Variants in SFPQ observed in about 807,000 individuals in gnomAD.
SFPQ encodes the protein splicing factor, proline- and glutamine-rich.
SFPQ carries 11 observed loss-of-function variants against 72.9 expected under a neutral mutation model. The observed-to-expected ratio is 0.15, with a 90% CI of 0.09 to 0.25. The LOEUF is 0.25. Among genes scored for constraint, SFPQ ranks in the 10% least tolerant of loss-of-function variants. SFPQ has a pLI of 1.00. For missense variants in SFPQ, 847 were observed against 993.3 expected (o/e 0.85, Z 1.98); for synonymous variants, 506 against 367.3 (o/e 1.38, Z -4.32).
chr1:35,176,747 G>A (rs895326671), intron 5 of SFPQ, among the ~76,000 whole-genome samples: 2 of 151,904 alleles, frequency 1.3e-5, no homozygotes, highest in Admixed American at 6.6e-5. Flanking sequence ...TGTGGCGGGC[G>A]CCTGCAGTCC....
In SFPQ at chr1:35,192,650, C is replaced by T. The variant is rs1409118381; in HGVS notation, c.400G>A (p.Ala134Thr). 28 of 1,381,362 alleles carry T rather than the reference C, an allele frequency of 2.0e-5. No homozygotes were observed. Among genetic ancestry groups the T allele is most frequent in the South Asian group, 1.5e-4 (9 of 60,628 alleles). The allele number at this position is 1,381,362 out of a possible 1,614,324, so 85.6% of individuals were successfully genotyped here. A position where few individuals can be genotyped will look rare whatever the true frequency, so the allele number is the denominator to read the frequency against. ...GGGGCCCCCGAGGTTGGTGGAGTGG[C>T]GGGCGGGGCCGAGCTGGAGGCTGGT... ...APPASSSAPP[A>T]TPPTSGAPPG... Residue 134 changes from alanine to threonine, a missense_variant, in exon 1 of 10, where the codon GCC becomes ACC. Ala to Thr is a moderately conservative substitution (Grantham distance 58). This residue lies in a region of SFPQ where 498 missense variants were observed against 405.1 expected (regional missense o/e 1.23). Coordinates refer to ENST00000357214, the MANE Select transcript of SFPQ (RefSeq NM_005066.3).
chr1:35,185,738 CTT>C (rs1239507760), intron 9 of SFPQ, among the ~76,000 whole-genome samples: 2 of 152,086 alleles, frequency 1.3e-5, no homozygotes, highest in African/African-American at 2.4e-5. Flanking sequence ...AACTTTTATC[CTT>C]TGTTTTTCAA....
Position 35,192,751 on chromosome 1 carries a change from GGCGGCTGCT to G in SFPQ, c.290_298del (p.Gln97_Pro99del). On this transcript the variant is annotated inframe_deletion, in exon 1 of 10. Transcript: ENST00000357214. ...CTTGGAAGAGTCCTGCGGCGGTGGC[GGCGGCTGCT>G]GCTGCTGATGCGGCTGTGGATGCGG... 1 of 1,494,120 alleles carries G rather than the reference GGCGGCTGCT, an allele frequency of 6.7e-7. No individual in the cohort carries two copies. The highest frequency in any genetic ancestry group is 1.3e-5 in the South Asian group (1 of 79,838). The allele number at this position is 1,494,120 out of a possible 1,614,324, so 92.6% of individuals were successfully genotyped here.
At chr1:35,186,354 T>C (rs1272342928) in intron 9 of SFPQ, among the ~76,000 whole-genome samples, 1 of 152,188 alleles carries the variant, frequency 6.6e-6, no homozygotes, top group Non-Finnish European at 1.5e-5. Flanking sequence ...CATGATAGCA[T>C]CAAGAAGGTT....
downstream of SFPQ, chr1:35,179,430 T>C: frequency 9.5e-7 from 1 of 1,056,328 alleles, no homozygotes; most frequent in African/African-American, 1.6e-5. Flanking sequence ...AGTACGAAAA[T>C]ACATTCTGGC....
intron 5 of SFPQ, 35 bp downstream of exon 5, chr1:35,189,151 C>G: frequency 6.2e-7 from 1 of 1,613,494 alleles, no homozygotes; most frequent in Non-Finnish European, 8.5e-7. Context: ...AAACAATTGA[C>G]CTTAGCAATG....
rs774744281 is a variant in SFPQ, at chr1:35,192,900, G to A, written c.150C>T (p.Gly50=). ...LNQNRGPMGP[G]PGQSGPKPPI... The stretch of plus-strand genomic sequence containing the variant: ...GAGGCTTAGGGCCGCTCTGGCCCGG[G>A]CCAGGACCCATGGGGCCGCGATTCT... Residue 50 remains glycine, a synonymous_variant, in exon 1 of 10, where the codon GGC becomes GGT. Coordinates refer to ENST00000357214, the MANE Select transcript of SFPQ (RefSeq NM_005066.3). 2.5e-6 allele frequency: 4 copies of A among 1,576,822 alleles called. No homozygotes were observed. The highest frequency in any genetic ancestry group is 2.3e-5 in the South Asian group (2 of 87,962).
chr1:35,183,825 C>T lies in SFPQ; in HGVS notation c.*631G>A, dbSNP rs1223606898. The stretch of plus-strand genomic sequence containing the variant: ...AATTGTCTTACACCCATTCCACAAT[C>T]TTAATACATATTCCTGAAGATTTAC... On this transcript the variant is annotated 3_prime_UTR_variant, in exon 10 of 10. Coordinates refer to ENST00000357214, the MANE Select transcript of SFPQ (RefSeq NM_005066.3). 9.5e-7 allele frequency: 1 copy of T among 1,055,846 alleles called. No homozygotes were observed. Among genetic ancestry groups the T allele is most frequent in the Non-Finnish European group, 1.1e-6 (1 of 873,300 alleles). The allele number at this position is 1,055,846 out of a possible 1,614,324, so 65.4% of individuals were successfully genotyped here.
chr1:35,178,292 C>T (rs542391421), downstream of SFPQ: 37 of 1,097,938 alleles, frequency 3.4e-5, no homozygotes, highest in Admixed American at 1.5e-3. Context: ...CTCTCAGTTT[C>T]ACCAGTCTGA....
chr1:35,189,768 A>G (rs2148622535), intron 4 of SFPQ, among the ~76,000 whole-genome samples: 1 of 151,962 alleles, frequency 6.6e-6, no homozygotes, highest in Admixed American at 6.6e-5. Flanking sequence ...GGCCAACATG[A>G]TGAAACCCCG....
intron 9 of SFPQ, among the ~76,000 whole-genome samples, chr1:35,186,340 G>A (rs1225689962): frequency 6.6e-6 from 1 of 152,132 alleles, no homozygotes; most frequent in African/African-American, 2.4e-5. Flanking sequence ...ATTCACAGCT[G>A]AAACATGATA....
rs754118017 is a variant in SFPQ at position 35,189,343 on chromosome 1, C to T, written c.1455G>A (p.Thr485=). ...ATCGCTGAGAATATTCGTACTCAAACGTGCCATGCTGGGCAAAACGAGGAG... is the reference window on the plus strand; with the variant it reads ...ATCGCTGAGAATATTCGTACTCAAATGTGCCATGCTGGGCAAAACGAGGAG... ...ETPPRFAQHG[T]FEYEYSQRWK... Residue 485 remains threonine, a synonymous_variant, in exon 5 of 10, where the codon ACG becomes ACA. Transcript: ENST00000357214. 18 of 1,613,942 alleles carry T rather than the reference C, an allele frequency of 1.1e-5. No individual in the cohort carries two copies. Among genetic ancestry groups the T allele is most frequent in the East Asian group, 8.9e-5 (4 of 44,892 alleles).
chr1:35,183,586 A>C lies in SFPQ; in HGVS notation c.*870T>G. ...CACCCCATCTTTATAAATCACTTGAATACATGAAAAGACTTCATGTTTAAC... is the reference window on the plus strand; with the variant it reads ...CACCCCATCTTTATAAATCACTTGACTACATGAAAAGACTTCATGTTTAAC... On this transcript the variant is annotated 3_prime_UTR_variant, in exon 10 of 10. Transcript: ENST00000357214. The C allele has an allele frequency of 3.9e-6, 4 of 1,023,058 alleles. No individual in the cohort carries two copies. The highest frequency in any genetic ancestry group is 4.7e-6 in the Non-Finnish European group (4 of 852,144). The allele number at this position is 1,023,058 out of a possible 1,614,324, so 63.4% of individuals were successfully genotyped here.
At chr1:35,186,631 G>GAC (rs3832009) in intron 9 of SFPQ, among the ~76,000 whole-genome samples, 35,346 of 152,032 alleles carry the variant, frequency 0.23, 8,798 homozygotes, top group East Asian at 0.66. Flanking sequence ...CTTAAAGAAT[G>GAC]AGTTTGCCAT....
At chr1:35,191,980 G>C (rs1250731494) in intron 1 of SFPQ, among the ~76,000 whole-genome samples, 1 of 152,074 alleles carries the variant, frequency 6.6e-6, no homozygotes, top group Non-Finnish European at 1.5e-5. Flanking sequence ...CGACCACCGC[G>C]GCCCCGCGCT....
chr1:35,193,109 C>A lies in SFPQ; in HGVS notation c.-60G>T. The stretch of plus-strand genomic sequence containing the variant: ...AGAAGACGCTCAGGAAACGTGGAGG[C>A]CACCTTGCTTCTCACAAAATGGCGG... On this transcript the variant is annotated 5_prime_UTR_variant, in exon 1 of 10. Coordinates refer to ENST00000357214, the MANE Select transcript of SFPQ (RefSeq NM_005066.3). The A allele has an allele frequency of 2.7e-6, 4 of 1,494,856 alleles. No homozygotes were observed. Among genetic ancestry groups the A allele is most frequent in the Non-Finnish European group, 3.5e-6 (4 of 1,130,500 alleles). 92.6% of individuals were successfully genotyped at this position (1,494,856 alleles called of 1,614,324 possible). A position where few individuals can be genotyped will look rare whatever the true frequency, so the allele number is the denominator to read the frequency against.
chr1:35,188,560 T>C (rs1393005571), intron 6 of SFPQ, among the ~76,000 whole-genome samples: 5 of 152,164 alleles, frequency 3.3e-5, no homozygotes, highest in African/African-American at 1.2e-4. Flanking sequence ...CCTGTGCCTC[T>C]AGTCCCAGCT....
chr1:35,188,728 A>G (rs1347633761), intron 6 of SFPQ, among the ~76,000 whole-genome samples: 1 of 152,204 alleles, frequency 6.6e-6, no homozygotes, highest in Non-Finnish European at 1.5e-5. Flanking sequence ...AGGCAGAGAC[A>G]GGTGGATCAC....
Position 35,189,096 on chromosome 1 carries a change from TGGA to T in SFPQ, c.1613-12_1613-10del, listed in dbSNP as rs781586337. 6.2e-7 allele frequency: 1 copy of T among 1,613,480 alleles called. No individual in the cohort carries two copies. The highest frequency in any genetic ancestry group is 8.5e-7 in the Non-Finnish European group (1 of 1,179,802). ...CTGTCGTCTCATCAGATCTGAACAT[TGGA>T]AAATATTTGGATTCACATTAACAAG... On this transcript the variant is annotated splice_polypyrimidine_tract_variant and intron_variant, in intron 5 of 9. Coordinates refer to ENST00000357214, the MANE Select transcript of SFPQ (RefSeq NM_005066.3).
Sources: gnomAD v4.1 joint callset for allele counts (sites outside exome capture counted in the v4.1 genomes callset) on GRCh38, gnomAD v4.1.1 for gene constraint, gnomAD v4.1.1 regional missense constraint, MANE v1.5 for transcripts, NCBI Gene and HGNC (gene_info 2026-07-23, HGNC 2026-07-21) for gene names.